UNC80: variants seen among roughly 807,000 people sequenced by gnomAD.
UNC80 encodes the protein protein unc-80 homolog.
A neutral mutation model predicts 384.6 loss-of-function variants in UNC80; 164 were observed. The observed-to-expected ratio is 0.43, with a 90% CI of 0.38 to 0.49. The LOEUF (loss-of-function observed/expected upper bound fraction) is 0.49, where lower values mean the gene tolerates loss of function less well. UNC80 is among the 20% of genes least tolerant of loss of function. The pLI is 0.00. For synonymous variants in UNC80, 1,486 were observed against 1,527.8 expected (o/e 0.97, Z 0.64); for missense variants, 3,330 against 4,143.0 (o/e 0.80, Z 5.39).
At chr2:209,881,929 C>T (rs1274894201) in intron 25 of UNC80, among the ~76,000 whole-genome samples, 1 of 150,872 alleles carries the variant, frequency 6.6e-6, no homozygotes, top group African/African-American at 2.4e-5. Flanking sequence ...TCCATTTAAG[C>T]AAATTTTACA....
intron 26 of UNC80, among the ~76,000 whole-genome samples, chr2:209,892,115 G>A (rs891303120): frequency 6.6e-6 from 1 of 152,126 alleles, no homozygotes; most frequent in Non-Finnish European, 1.5e-5. Flanking sequence ...GTGATATAAG[G>A]TGTGTATTTA....
intron 7 of UNC80, among the ~76,000 whole-genome samples, chr2:209,794,609 T>C (rs191759525): frequency 2.0e-5 from 3 of 152,322 alleles, no homozygotes; most frequent in Non-Finnish European, 4.4e-5. Flanking sequence ...AAATCTCAAC[T>C]TGAATTGTAT....
Position 209,969,652 on chromosome 2 carries a change from C to A in UNC80, c.8007-116C>A, listed in dbSNP as rs574783732. The A allele has an allele frequency of 5.3e-5, 75 of 1,404,154 alleles. 2 individuals are homozygous for A. In the South Asian group the frequency reaches 1.0e-3, roughly 19 times the overall value. The allele number at this position is 1,404,154 out of a possible 1,614,324, so 87.0% of individuals were successfully genotyped here. Reference sequence around the variant, plus strand: ...GTGCTTTTGGAACAATATGGGTAAACTTCATCCCAGAGACACATCCTGTCT... The same window carrying A: ...GTGCTTTTGGAACAATATGGGTAAAATTCATCCCAGAGACACATCCTGTCT... On this transcript the variant is annotated intron_variant, in intron 52 of 64. Transcript: ENST00000673920.
At chr2:209,818,674 A>G (rs941707716) in intron 11 of UNC80, among the ~76,000 whole-genome samples, 1 of 152,216 alleles carries the variant, frequency 6.6e-6, no homozygotes, top group South Asian at 2.1e-4. Flanking sequence ...ATGATCTATC[A>G]TCTAACAATG....
intron 29 of UNC80, among the ~76,000 whole-genome samples, chr2:209,910,081 A>C (rs766865763): frequency 2.0e-5 from 3 of 151,046 alleles, no homozygotes; most frequent in Non-Finnish European, 4.4e-5. Context: ...TCAAGCAGGG[A>C]ACTGTAGAGA....
intron 48 of UNC80, 84 bp from the exon 49 acceptor site, chr2:209,957,560 C>T: frequency 1.6e-6 from 2 of 1,217,564 alleles, no homozygotes; most frequent in Non-Finnish European, 2.3e-6. Flanking sequence ...CTTATGTGTG[C>T]TTCAGTAACT....
chr2:209,958,067 A>G (rs2124999706), intron 49 of UNC80, among the ~76,000 whole-genome samples: 1 of 152,270 alleles, frequency 6.6e-6, no homozygotes, highest in South Asian at 2.1e-4. Flanking sequence ...AACAATAATA[A>G]TCAGGAGGTG....
chr2:209,939,126 C>T (rs929686996), intron 42 of UNC80, among the ~76,000 whole-genome samples: 5 of 152,218 alleles, frequency 3.3e-5, no homozygotes, highest in Admixed American at 3.3e-4. Context: ...GACTCACTGA[C>T]CCTGTTAGTG....
chr2:209,931,364 AACACACACACACAC>A (rs61386739), intron 38 of UNC80, among the ~76,000 whole-genome samples: 106 of 125,558 alleles, frequency 8.4e-4, no homozygotes, highest in East Asian at 2.6e-3. Flanking sequence ...TCTATGTTTA[AACACACACACACAC>A]ACACACACAC....
At chr2:209,866,490 C>CACACACAAA (rs1559226593) in intron 22 of UNC80, among the ~76,000 whole-genome samples, 2,863 of 107,630 alleles carry the variant, frequency 0.027, 165 homozygotes, top group African/African-American at 0.095. Flanking sequence ...AAATGCACCC[C>CACACACAAA]CACACACACA....
In UNC80 at chr2:209,905,776, T is replaced by TA. The variant is rs1421770010; in HGVS notation, c.4782+812dup. On this transcript the variant is annotated intron_variant, in intron 29 of 64. Transcript: ENST00000673920. ...AAAGGAAATTGCTTCAAGCAACTATTACATTTTTCAAGTATTCAGCTGCCC... is the reference window on the plus strand; with the variant it reads ...AAAGGAAATTGCTTCAAGCAACTATTAACATTTTTCAAGTATTCAGCTGCCC... 3.3e-5 allele frequency among the ~76,000 whole-genome samples: 5 copies of TA among 152,286 alleles called. No individual in the cohort carries two copies. The East Asian group carries it at 9.6e-4, about 29-fold the overall frequency.
chr2:209,880,486 C>T (rs1273003684), intron 24 of UNC80, among the ~76,000 whole-genome samples: 1 of 152,200 alleles, frequency 6.6e-6, no homozygotes, highest in Non-Finnish European at 1.5e-5. Flanking sequence ...AGACATCCCT[C>T]ATAAAATGAA....
intron 18 of UNC80, among the ~76,000 whole-genome samples, chr2:209,838,709 C>T (rs1431958819): frequency 6.6e-6 from 1 of 152,100 alleles, no homozygotes; most frequent in Admixed American, 6.6e-5. Context: ...TGCCTGTAAT[C>T]CCAGCACTTT....
In UNC80 at chr2:209,996,519, G is replaced by A. The variant is rs929958789; in HGVS notation, c.*924G>A. The A allele has an allele frequency of 1.3e-5, 2 of 152,202 alleles. No homozygotes were observed. Among genetic ancestry groups the A allele is most frequent in the African/African-American group, 4.8e-5 (2 of 41,456 alleles). The allele number at this position is 152,202 out of a possible 1,614,324, so 9.4% of individuals were successfully genotyped here. ...GGAGGGCATATTTTCAGATATTAAG[G>A]TTAGTGTTGTTAGAATCGGTTTAAT... On this transcript the variant is annotated 3_prime_UTR_variant, in exon 65 of 65. Coordinates refer to ENST00000673920, the MANE Select transcript of UNC80 (RefSeq NM_001371986.1).
In UNC80 at chr2:209,777,362, A is replaced by T; in HGVS notation, c.403A>T (p.Thr135Ser). Residue 135 changes from threonine (T) to serine (S), a missense_variant, in exon 4 of 65, where the codon ACA becomes TCA. Physicochemically the swap from Thr to Ser is moderately conservative, Grantham distance 58. Transcript: ENST00000673920. ...CTGCAACAATGAGCGGTTTGGGGGT[A>T]CAGACCGAGGCTCCAGCTGGGGTGG... ...QDCNNERFGG[T>S]DRGSSWGGSS... The T allele has an allele frequency of 6.2e-7, 1 of 1,614,224 alleles. No individual in the cohort carries two copies. The highest frequency in any genetic ancestry group is 8.5e-7 in the Non-Finnish European group (1 of 1,180,044).
intron 22 of UNC80, 76 bp downstream of exon 22, chr2:209,849,699 C>T: frequency 2.2e-6 from 3 of 1,387,512 alleles, no homozygotes. Context: ...GCATGATTCC[C>T]CAATTGTAAT....
chr2:209,945,649 A>G (rs1022107060), intron 46 of UNC80, among the ~76,000 whole-genome samples, 198 bp from the exon 47 acceptor site: 3 of 152,208 alleles, frequency 2.0e-5, no homozygotes, highest in African/African-American at 7.2e-5. Context: ...TTTATTTTAC[A>G]TCTGATTGTT....
intron 22 of UNC80, among the ~76,000 whole-genome samples, chr2:209,854,595 A>G (rs1056276741): frequency 9.9e-5 from 15 of 152,182 alleles, no homozygotes; most frequent in Non-Finnish European, 1.8e-4. Context: ...AGGAACTTAA[A>G]CAAATTTACA....
intron 22 of UNC80, among the ~76,000 whole-genome samples, chr2:209,851,593 C>T (rs10469762): frequency 6.6e-6 from 1 of 152,060 alleles, no homozygotes; most frequent in African/African-American, 2.4e-5. Context: ...CACAACAAAA[C>T]TCAACTGGAG....
Sources: gnomAD v4.1 joint callset for allele counts (sites outside exome capture counted in the v4.1 genomes callset) on GRCh38, gnomAD v4.1.1 for gene constraint, MANE v1.5 for transcripts, NCBI Gene and HGNC (gene_info 2026-07-23, HGNC 2026-07-21) for gene names.